The following TDG variants were observed in gnomAD, a reference collection of about 807,000 sequenced individuals.
TDG encodes the protein G/T mismatch-specific thymine DNA glycosylase.
TDG carries 23 observed loss-of-function variants against 46.1 expected under a neutral mutation model. The ratio of observed to expected loss-of-function variants is 0.50; its 90% CI spans 0.36 to 0.71. The LOEUF (loss-of-function observed/expected upper bound fraction) is 0.71. Among genes scored for constraint, TDG ranks in the 30% least tolerant of loss-of-function variants. The pLI is 0.00. For synonymous variants in TDG, 115 were observed against 161.3 expected, an observed-to-expected ratio of 0.71 and a Z score of 2.18; for missense variants, 304 against 486.7, an observed-to-expected ratio of 0.62 and a Z score of 3.53.
chr12:103,980,934 T>A lies in TDG; in HGVS notation c.450T>A (p.His150Gln), dbSNP rs765289227. 6.2e-7 allele frequency: 1 copy of A among 1,613,608 alleles called. No homozygotes were observed. The highest frequency in any genetic ancestry group is 8.5e-7 in the Non-Finnish European group (1 of 1,179,948). The change falls in exon 4 of 10, where the codon CAT becomes CAA. Residue 150 changes from histidine to glutamine, a missense_variant. His to Gln is a conservative substitution (Grantham distance 24). Coordinates refer to ENST00000392872, the MANE Select transcript of TDG (RefSeq NM_003211.6). ...NPGLMAAYKG[H>Q]HYPGPGNHFW... The stretch of plus-strand genomic sequence containing the variant: ...GACTAATGGCTGCTTACAAAGGGCA[T>A]CATTACCCTGGACCTGGAAACCATT...
rs1242722868 is a variant in TDG, at chr12:103,988,123, A to T, written c.*1033A>T. 6.5e-6 allele frequency: 1 copy of T among 152,730 alleles called. No homozygotes were observed. The highest frequency in any genetic ancestry group is 2.4e-5 in the African/African-American group (1 of 41,486). 9.5% of individuals were successfully genotyped at this position (152,730 alleles called of 1,614,324 possible). ...GAACCTCATGGAAAGGTTGAGGTGT[A>T]TACCTTTGTGATTTTCTAATGAGTT... On this transcript the variant is annotated 3_prime_UTR_variant, in exon 10 of 10. Transcript: ENST00000392872.
chr12:103,969,278 T>C (rs1871189232), intron 1 of TDG, among the ~76,000 whole-genome samples: 1 of 152,202 alleles, frequency 6.6e-6, no homozygotes, highest in Admixed American at 6.5e-5. Flanking sequence ...AGAGCTGAAA[T>C]TTGAATCCAG....
intron 6 of TDG, 27 bp from the exon 7 acceptor site, chr12:103,983,268 T>C (rs781007711): frequency 6.4e-7 from 1 of 1,570,330 alleles, no homozygotes; most frequent in Non-Finnish European, 8.6e-7. Flanking sequence ...TTATGGGCAA[T>C]GTAAATATGT....
Position 103,987,332 on chromosome 12 carries a change from A to G in TDG, c.*242A>G. On this transcript the variant is annotated 3_prime_UTR_variant, in exon 10 of 10. Coordinates refer to ENST00000392872, the MANE Select transcript of TDG (RefSeq NM_003211.6). ...TTATCATTCCAGCTTTTTATATACT[A>G]TATTTCATTTATGAAGAAATTGATT... 4.2e-6 allele frequency: 2 copies of G among 475,280 alleles called. No individual in the cohort carries two copies. The highest frequency in any genetic ancestry group is 7.4e-6 in the Non-Finnish European group (2 of 270,284). 29.4% of individuals were successfully genotyped at this position (475,280 alleles called of 1,614,324 possible). A position where few individuals can be genotyped will look rare whatever the true frequency, so the allele number is the denominator to read the frequency against.
At chr12:103,968,343 A>G (rs1371029639) in intron 1 of TDG, among the ~76,000 whole-genome samples, 1 of 152,232 alleles carries the variant, frequency 6.6e-6, no homozygotes, top group Non-Finnish European at 1.5e-5. Flanking sequence ...AACAGGAAAG[A>G]TTAACCCTTG....
intron 1 of TDG, among the ~76,000 whole-genome samples, chr12:103,969,611 A>G (rs894212124): frequency 7.9e-5 from 12 of 152,218 alleles, no homozygotes; most frequent in African/African-American, 2.9e-4. Flanking sequence ...GACTGACTGG[A>G]ATGGTGAATC....
At chr12:103,966,173 C>A in intron 1 of TDG, 113 bp downstream of exon 1, 1 of 1,329,418 alleles carries the variant, frequency 7.5e-7, no homozygotes, top group East Asian at 3.0e-5. Context: ...AATACAAAGG[C>A]CGGGGCCGCG....
Position 103,987,242 on chromosome 12 carries a change from A to C in TDG, c.*152A>C. The C allele has an allele frequency of 8.7e-7, 1 of 1,151,282 alleles. No homozygotes were observed. The highest frequency in any genetic ancestry group is 1.2e-6 in the Non-Finnish European group (1 of 839,696). The allele number at this position is 1,151,282 out of a possible 1,614,324, so 71.3% of individuals were successfully genotyped here. ...ACAGTTGTGTGGTAGTGTGAACCGT[A>C]TGAACCTAAGTAGTTTGGAAGAAAA... On this transcript the variant is annotated 3_prime_UTR_variant, in exon 10 of 10. Coordinates refer to ENST00000392872, the MANE Select transcript of TDG (RefSeq NM_003211.6).
At chr12:103,972,740 A>G (rs1871339255) in intron 1 of TDG, among the ~76,000 whole-genome samples, 1 of 152,230 alleles carries the variant, frequency 6.6e-6, no homozygotes, top group African/African-American at 2.4e-5. Context: ...TTCAAACTTG[A>G]TATACCTAAT....
chr12:103,979,533 CT>C (rs1371479782), intron 2 of TDG, among the ~76,000 whole-genome samples: 12 of 152,062 alleles, frequency 7.9e-5, no homozygotes, highest in Non-Finnish European at 1.5e-4. Flanking sequence ...TATGTAGATA[CT>C]TTGTATCCTT....
intron 1 of TDG, among the ~76,000 whole-genome samples, chr12:103,970,874 C>T (rs934185271): frequency 6.6e-6 from 1 of 152,032 alleles, no homozygotes; most frequent in Non-Finnish European, 1.5e-5. Context: ...TATAGTCGAC[C>T]TTCCATATCT....
intron 1 of TDG, among the ~76,000 whole-genome samples, chr12:103,969,462 C>T (rs1186401212): frequency 6.6e-6 from 1 of 152,232 alleles, no homozygotes; most frequent in Non-Finnish European, 1.5e-5. Context: ...TGCCATGTAT[C>T]TCTATCCCTA....
chr12:103,966,250 T>C (rs1347186666), intron 1 of TDG, among the ~76,000 whole-genome samples, 190 bp downstream of exon 1: 2 of 152,230 alleles, frequency 1.3e-5, no homozygotes, highest in African/African-American at 4.8e-5. Context: ...AGGTCGGGGC[T>C]GCTCTGAGGG....
At chr12:103,975,471 G>T (rs1871489810) in intron 1 of TDG, among the ~76,000 whole-genome samples, 1 of 152,170 alleles carries the variant, frequency 6.6e-6, no homozygotes. Context: ...AGATGGAGGG[G>T]CTACATCTGA....
intron 7 of TDG, among the ~76,000 whole-genome samples, chr12:103,984,452 A>C (rs1465027054): frequency 1.3e-5 from 2 of 152,104 alleles, no homozygotes; most frequent in Non-Finnish European, 2.9e-5. Context: ...AAAATTAGCC[A>C]GGCATGGTGG....
At chr12:103,986,026 TCTC>T (rs572713727) in intron 9 of TDG, among the ~76,000 whole-genome samples, 132 of 152,214 alleles carry the variant, frequency 8.7e-4, no homozygotes, top group Admixed American at 2.2e-3. Context: ...TTCACACCAT[TCTC>T]CTGCCTCAGC....
At chr12:103,966,172 G>T in intron 1 of TDG, 112 bp downstream of exon 1, 1 of 1,328,590 alleles carries the variant, frequency 7.5e-7, no homozygotes, top group Non-Finnish European at 9.9e-7. Flanking sequence ...GAATACAAAG[G>T]CCGGGGCCGC....
rs1393307573 is a variant in TDG, at chr12:103,988,097, T to C, written c.*1007T>C. On this transcript the variant is annotated 3_prime_UTR_variant, in exon 10 of 10. Transcript: ENST00000392872. ...TTGCTGTTTGTTACTATAAATTAAATGAACCTCATGGAAAGGTTGAGGTGT... is the reference window on the plus strand; with the variant it reads ...TTGCTGTTTGTTACTATAAATTAAACGAACCTCATGGAAAGGTTGAGGTGT... 6.5e-6 allele frequency: 1 copy of C among 152,738 alleles called. No homozygotes were observed. The highest frequency in any genetic ancestry group is 1.5e-5 in the Non-Finnish European group (1 of 68,058). The allele number at this position is 152,738 out of a possible 1,614,324, so 9.5% of individuals were successfully genotyped here.
At chr12:103,985,075 A>G (rs1379192743) in intron 8 of TDG, among the ~76,000 whole-genome samples, 155 bp downstream of exon 8, 3 of 132,886 alleles carry the variant, frequency 2.3e-5, no homozygotes, top group Non-Finnish European at 3.5e-5. Flanking sequence ...GTATATATAC[A>G]TATATACACA....
Sources: allele counts gnomAD v4.1 joint callset (sites outside exome capture counted in the v4.1 genomes callset), GRCh38; gene constraint gnomAD v4.1.1; transcripts MANE v1.5; gene names NCBI Gene and HGNC (gene_info 2026-07-23, HGNC 2026-07-21).